The following ARRB1 variants were observed in gnomAD, a reference collection of about 807,000 sequenced individuals.
The protein encoded by ARRB1 is beta-arrestin-1.
Under a neutral mutation model 56.8 loss-of-function variants are expected in ARRB1, and 21 were observed. That is an observed-to-expected ratio of 0.37 (90% CI 0.26 to 0.53). The LOEUF is 0.53. ARRB1 is among the 20% of genes least tolerant of loss of function. ARRB1 has a pLI of 0.88. For synonymous variants in ARRB1, 210 were observed against 218.6 expected (o/e 0.96, Z 0.35); for missense variants, 424 against 553.7 (o/e 0.77, Z 2.35).
At chr11:75,290,924 T>A (rs1185563392) in intron 1 of ARRB1, among the ~76,000 whole-genome samples, 1 of 152,194 alleles carries the variant, frequency 6.6e-6, no homozygotes, top group Non-Finnish European at 1.5e-5. Flanking sequence ...CACTTTCGAA[T>A]GTACACATAT....
rs568931202 is a variant in ARRB1, at chr11:75,314,898, C to T, written c.21-24859G>A. Among the ~76,000 whole-genome samples the T allele has an allele frequency of 8.5e-5, 13 of 152,336 alleles. No individual in the cohort carries two copies. In the South Asian group the frequency reaches 2.1e-3, roughly 24 times the overall value. Reference sequence around the variant, plus strand: ...CTAGGATTACAGGCGTGAGCCACCACGCCCAGCCAACAGTGCCTTTCTTCA... The same window carrying T: ...CTAGGATTACAGGCGTGAGCCACCATGCCCAGCCAACAGTGCCTTTCTTCA... On this transcript the variant is annotated intron_variant, in intron 1 of 15. Transcript: ENST00000420843.
intron 1 of ARRB1, among the ~76,000 whole-genome samples, chr11:75,302,319 A>G (rs927733105): frequency 2.6e-5 from 4 of 152,248 alleles, no homozygotes; most frequent in African/African-American, 7.2e-5. Flanking sequence ...GCCATGAAGC[A>G]TATTTTTGAA....
intron 1 of ARRB1, chr11:75,312,123 C>CT: frequency 7.8e-7 from 1 of 1,289,484 alleles, no homozygotes. Flanking sequence ...CTTGCAGTGG[C>CT]TGCTGCTGGC....
At chr11:75,267,468 C>T (rs988288152) in intron 15 of ARRB1, among the ~76,000 whole-genome samples, 184 bp downstream of exon 15, 12 of 152,114 alleles carry the variant, frequency 7.9e-5, no homozygotes, top group Non-Finnish European at 1.6e-4. Flanking sequence ...GGAACAGGCA[C>T]GGAGGGTCCT....
At chr11:75,334,099 A>G (rs557014192) in intron 1 of ARRB1, among the ~76,000 whole-genome samples, 2 of 152,266 alleles carry the variant, frequency 1.3e-5, no homozygotes, top group South Asian at 2.1e-4. Flanking sequence ...TGGGAGGCCC[A>G]GGTGGGCAGA....
intron 1 of ARRB1, among the ~76,000 whole-genome samples, chr11:75,351,166 C>T (rs531468996): frequency 3.3e-5 from 5 of 152,340 alleles, no homozygotes; most frequent in Admixed American, 1.3e-4. Context: ...AGGCTGTCAG[C>T]AAGAATGTGT....
chr11:75,346,948 T>C (rs528504789), intron 1 of ARRB1, among the ~76,000 whole-genome samples: 1 of 152,336 alleles, frequency 6.6e-6, no homozygotes, highest in East Asian at 1.9e-4. Flanking sequence ...CTCCCAGCCA[T>C]GCAGGCCTCA....
chr11:75,330,001 T>TAAAA (rs759720545), intron 1 of ARRB1, among the ~76,000 whole-genome samples: 1 of 141,454 alleles, frequency 7.1e-6, no homozygotes, highest in Non-Finnish European at 1.5e-5. Context: ...ACCCTGTCTC[T>TAAAA]AAAAAAAAAA....
At chr11:75,270,382 C>T (rs528007854) in intron 13 of ARRB1, among the ~76,000 whole-genome samples, 1 of 152,334 alleles carries the variant, frequency 6.6e-6, no homozygotes, top group African/African-American at 2.4e-5. Context: ...GTAATCCCAG[C>T]ACTTTGGGAG....
rs577464574 is a variant in ARRB1, at chr11:75,298,607, A to G, written c.21-8568T>C. ...GGTGGGAATGGAAAGTGGGGCCGTC[A>G]CTTTGAAAAACAGTTTGGCAGTTCC... On this transcript the variant is annotated intron_variant, in intron 1 of 15. Transcript: ENST00000420843. 1.4e-3 allele frequency among the ~76,000 whole-genome samples: 211 copies of G among 152,220 alleles called. 11 individuals are homozygous for G. Among genetic ancestry groups the G allele is most frequent in the Non-Finnish European group, 6.3e-4 (43 of 68,042 alleles).
chr11:75,312,172 G>A, intron 1 of ARRB1: 1 of 1,284,934 alleles, frequency 7.8e-7, no homozygotes, highest in Middle Eastern at 2.1e-4. Flanking sequence ...CCTCCCCGGG[G>A]AGTGGTGAGC....
At chr11:75,351,538 G>A (rs1192929478) in intron 1 of ARRB1, 50 bp downstream of exon 1, 17 of 1,496,882 alleles carry the variant, frequency 1.1e-5, no homozygotes, top group African/African-American at 1.5e-5. Context: ...CCGTGTCCTC[G>A]CCGAGGTCGC....
intron 11 of ARRB1, 135 bp from the exon 12 acceptor site, chr11:75,273,113 C>T: frequency 1.4e-6 from 1 of 705,402 alleles, no homozygotes; most frequent in Admixed American, 2.3e-5. Flanking sequence ...TCCAATAGAG[C>T]CCAGTGGAGA....
At chr11:75,267,402 G>A (rs1013536535) in intron 15 of ARRB1, among the ~76,000 whole-genome samples, 1 of 152,268 alleles carries the variant, frequency 6.6e-6, no homozygotes, top group Admixed American at 6.5e-5. Flanking sequence ...ACGGACTGAC[G>A]GACGGACGTG....
chr11:75,325,512 G>A lies in ARRB1; in HGVS notation c.20+26076C>T, dbSNP rs111480014. On this transcript the variant is annotated intron_variant, in intron 1 of 15. Transcript: ENST00000420843. ...AACTTTTGTATTTTTAGTAGAGACA[G>A]GAGTTTCACCATGTTGGCCAGGCTG... Among the ~76,000 whole-genome samples the A allele has an allele frequency of 1.1e-4, 17 of 152,268 alleles. 1 individual carries two copies. Among genetic ancestry groups the A allele is most frequent in the African/African-American group, 3.6e-4 (15 of 41,546 alleles).
intron 1 of ARRB1, among the ~76,000 whole-genome samples, chr11:75,337,190 C>T (rs1476313284): frequency 6.6e-6 from 1 of 152,090 alleles, no homozygotes; most frequent in Non-Finnish European, 1.5e-5. Flanking sequence ...GTGGCTCACA[C>T]CTATAATCCC....
At chr11:75,342,973 A>G (rs181261919) in intron 1 of ARRB1, among the ~76,000 whole-genome samples, 4 of 152,168 alleles carry the variant, frequency 2.6e-5, no homozygotes, top group Admixed American at 6.5e-5. Context: ...AGATATTTTG[A>G]AATCAGCAAT....
intron 1 of ARRB1, among the ~76,000 whole-genome samples, chr11:75,299,468 GAAGTA>G (rs1946844981): frequency 6.6e-6 from 1 of 151,720 alleles, no homozygotes; most frequent in African/African-American, 2.4e-5. Flanking sequence ...AAAAGTAAGT[GAAGTA>G]GGGAAAATCT....
intron 1 of ARRB1, among the ~76,000 whole-genome samples, chr11:75,322,121 A>G (rs1947356795): frequency 6.6e-6 from 1 of 152,248 alleles, no homozygotes; most frequent in African/African-American, 2.4e-5. Context: ...GGAGTCAGGG[A>G]AGTCTTCCCC....
Sources: gnomAD v4.1 joint callset for allele counts (sites outside exome capture counted in the v4.1 genomes callset) on GRCh38, gnomAD v4.1.1 for gene constraint, MANE v1.5 for transcripts, NCBI Gene and HGNC (gene_info 2026-07-23, HGNC 2026-07-21) for gene names.